The following C12orf60 variants were observed in gnomAD, a reference collection of about 807,000 sequenced individuals.
C12orf60 encodes the protein chromosome 12 open reading frame 60, also known as uncharacterized protein C12orf60.
For synonymous variants in C12orf60, 102 were observed against 94.6 expected (o/e 1.08, Z -0.45); for missense variants, 284 against 283.2 (o/e 1.00, Z -0.02).
intron 1 of C12orf60, among the ~76,000 whole-genome samples, chr12:14,818,611 T>A (rs964636137): frequency 1.3e-5 from 2 of 152,126 alleles, no homozygotes; most frequent in African/African-American, 4.8e-5. Context: ...AAACCTCTTC[T>A]CTACTAAAAT....
rs1024291505 is a variant in C12orf60, at chr12:14,810,156, T to G, written c.-25+6405T>G. Among the ~76,000 whole-genome samples the G allele has an allele frequency of 3.5e-4, 53 of 152,138 alleles. 1 individual carries two copies. Among genetic ancestry groups the G allele is most frequent in the Non-Finnish European group, 1.0e-4 (7 of 68,022 alleles). The stretch of plus-strand genomic sequence containing the variant: ...CTGAGTCAGACTTACCTTCCTAGCT[T>G]TTTTCCTTGGGTGGGGAGTGGGGAG... On this transcript the variant is annotated intron_variant, in intron 1 of 1. Transcript: ENST00000330828.
At chr12:14,805,839 T>G in intron 1 of C12orf60, 3 of 729,298 alleles carry the variant, frequency 4.1e-6, no homozygotes, top group Non-Finnish European at 6.6e-6. Context: ...GACTCAAAAC[T>G]CATCTAGTCA....
chr12:14,816,885 C>T (rs970575190), intron 1 of C12orf60, among the ~76,000 whole-genome samples: 3 of 151,892 alleles, frequency 2.0e-5, no homozygotes, highest in Admixed American at 6.6e-5. Flanking sequence ...GCTGGGATTA[C>T]AGGCGTGTGC....
At chr12:14,816,734 T>A (rs1950224543) in intron 1 of C12orf60, among the ~76,000 whole-genome samples, 1 of 150,840 alleles carries the variant, frequency 6.6e-6, no homozygotes, top group Admixed American at 6.7e-5. Flanking sequence ...TGATCAGGTC[T>A]TTATATTTTC....
At chr12:14,820,211 A>T (rs1014083336) in intron 1 of C12orf60, among the ~76,000 whole-genome samples, 2 of 152,004 alleles carry the variant, frequency 1.3e-5, no homozygotes, top group Non-Finnish European at 1.5e-5. Context: ...TCATAGTGAC[A>T]TCTCATTATT....
chr12:14,809,195 T>C (rs958559827), intron 1 of C12orf60, among the ~76,000 whole-genome samples: 2 of 152,172 alleles, frequency 1.3e-5, no homozygotes, highest in African/African-American at 4.8e-5. Context: ...AAAAGGTGGG[T>C]GGTTCTGTCT....
intron 1 of C12orf60, among the ~76,000 whole-genome samples, chr12:14,808,854 T>A (rs1042288021): frequency 2.4e-4 from 37 of 152,338 alleles, no homozygotes; most frequent in African/African-American, 7.9e-4. Context: ...GAAAATTTCC[T>A]AATCCAATTC....
intron 1 of C12orf60, among the ~76,000 whole-genome samples, chr12:14,822,209 A>G (rs529356134): frequency 2.0e-5 from 3 of 148,274 alleles, no homozygotes; most frequent in African/African-American, 7.5e-5. Flanking sequence ...TTTGCTGTGT[A>G]GAGTGGGTTT....
At chr12:14,805,684 A>G in intron 1 of C12orf60, 1 of 219,296 alleles carries the variant, frequency 4.6e-6, no homozygotes, top group Non-Finnish European at 8.9e-6. Flanking sequence ...TACTGAAATT[A>G]GAAAAGAGAA....
chr12:14,805,889 T>G, intron 1 of C12orf60: 2 of 1,087,792 alleles, frequency 1.8e-6, no homozygotes, highest in Non-Finnish European at 2.6e-6. Context: ...CCAAATTGTT[T>G]ATCTTATTTA....
intron 1 of C12orf60, among the ~76,000 whole-genome samples, chr12:14,812,194 G>A (rs1041060367): frequency 1.3e-5 from 2 of 151,800 alleles, no homozygotes; most frequent in East Asian, 1.9e-4. Flanking sequence ...CCTGTAATCC[G>A]AGCACTTTGG....
At chr12:14,817,254 G>A (rs1950236574) in intron 1 of C12orf60, among the ~76,000 whole-genome samples, 1 of 152,112 alleles carries the variant, frequency 6.6e-6, no homozygotes, top group Middle Eastern at 3.4e-3. Context: ...TAAAATCAAG[G>A]TTTATGTTTT....
intron 1 of C12orf60, chr12:14,806,707 A>G: frequency 1.3e-6 from 2 of 1,548,486 alleles, no homozygotes. Context: ...CTGAAAAATA[A>G]AATGGTAAAT....
Position 14,805,709 on chromosome 12 carries a change from C to T in C12orf60, c.-25+1958C>T, listed in dbSNP as rs1344442408. 3.3e-5 allele frequency: 10 copies of T among 302,422 alleles called. No individual in the cohort carries two copies. The East Asian group carries it at 6.1e-4, about 18-fold the overall frequency. 18.7% of individuals were successfully genotyped at this position (302,422 alleles called of 1,614,324 possible). A position where few individuals can be genotyped will look rare whatever the true frequency, so the allele number is the denominator to read the frequency against. Reference sequence around the variant, plus strand: ...AGAAAAGAGAAAAGTAACCCCTATACTTGCTACTCTACGATAGCATTTACC... The same window carrying T: ...AGAAAAGAGAAAAGTAACCCCTATATTTGCTACTCTACGATAGCATTTACC... On this transcript the variant is annotated intron_variant, in intron 1 of 1. Transcript: ENST00000330828.
intron 1 of C12orf60, among the ~76,000 whole-genome samples, chr12:14,815,097 A>C (rs1234642835): frequency 6.6e-6 from 1 of 152,244 alleles, no homozygotes; most frequent in Non-Finnish European, 1.5e-5. Context: ...TATTAACAAC[A>C]GTATCTCCTG....
intron 1 of C12orf60, among the ~76,000 whole-genome samples, chr12:14,818,273 G>C (rs1447539651): frequency 6.6e-6 from 1 of 152,162 alleles, no homozygotes; most frequent in Non-Finnish European, 1.5e-5. Flanking sequence ...TAAGTTGCCT[G>C]TTCACTCTGA....
intron 1 of C12orf60, among the ~76,000 whole-genome samples, chr12:14,810,167 G>A (rs1227412800): frequency 1.3e-5 from 2 of 152,046 alleles, no homozygotes; most frequent in African/African-American, 4.8e-5. Context: ...TTTTCCTTGG[G>A]TGGGGAGTGG....
rs915833825 is a variant in C12orf60 at position 14,823,769 on chromosome 12, CTA to C, written c.*98_*99del. On this transcript the variant is annotated 3_prime_UTR_variant, in exon 2 of 2. Coordinates refer to ENST00000330828, the MANE Select transcript of C12orf60 (RefSeq NM_175874.4). ...AAGATCTTTTGGTGCCAAACATGTG[CTA>C]TGTTAGAACATAAGTACACAAAAGT... 55 of 1,205,180 alleles carry C rather than the reference CTA, an allele frequency of 4.6e-5. No homozygotes were observed. In the African/African-American group the frequency reaches 8.1e-4, roughly 18 times the overall value. 74.7% of individuals were successfully genotyped at this position (1,205,180 alleles called of 1,614,324 possible).
intron 1 of C12orf60, among the ~76,000 whole-genome samples, chr12:14,816,862 A>G (rs1243657118): frequency 6.7e-6 from 1 of 150,168 alleles, no homozygotes; most frequent in Non-Finnish European, 1.5e-5. Context: ...CTCCTCCCTC[A>G]GCCTCCCGAG....
Sources: gnomAD v4.1 joint callset for allele counts (sites outside exome capture counted in the v4.1 genomes callset) on GRCh38, gnomAD v4.1.1 for gene constraint, MANE v1.5 for transcripts, NCBI Gene and HGNC (gene_info 2026-07-23, HGNC 2026-07-21) for gene names.